PRRX1: variants seen among roughly 807,000 people sequenced by gnomAD.
The protein encoded by PRRX1 is paired mesoderm homeobox protein 1.
In PRRX1, 8 loss-of-function variants were observed where a neutral mutation model predicts 24.0. That is an observed-to-expected ratio of 0.33 (90% CI 0.20 to 0.60). PRRX1 has a LOEUF of 0.60. Ranked by LOEUF, PRRX1 falls within the 20% of genes least tolerant of loss-of-function variation. PRRX1 has a pLI of 0.82. For synonymous variants in PRRX1, 160 were observed against 131.7 expected (o/e 1.22, Z -1.47); for missense variants, 281 against 322.4 (o/e 0.87, Z 0.98).
intron 1 of PRRX1, among the ~76,000 whole-genome samples, chr1:170,706,901 G>T (rs147229769): frequency 1.4e-4 from 22 of 152,178 alleles, no homozygotes; most frequent in African/African-American, 5.3e-4. Context: ...GGCTGAGGCA[G>T]GAGGATTGCA....
chr1:170,725,509 G>A (rs1161932728), intron 2 of PRRX1, among the ~76,000 whole-genome samples: 1 of 152,130 alleles, frequency 6.6e-6, no homozygotes, highest in African/African-American at 2.4e-5. Flanking sequence ...AATAGACAAT[G>A]ACTGACAGGA....
chr1:170,697,955 G>A (rs997235281), intron 1 of PRRX1, among the ~76,000 whole-genome samples: 3 of 150,876 alleles, frequency 2.0e-5, no homozygotes, highest in Non-Finnish European at 4.4e-5. Context: ...TTTTAATACT[G>A]CATATTCCAC....
intron 1 of PRRX1, among the ~76,000 whole-genome samples, chr1:170,717,082 C>A (rs1654928668): frequency 6.6e-6 from 1 of 152,190 alleles, no homozygotes; most frequent in African/African-American, 2.4e-5. Context: ...TTTGCCAGAG[C>A]CAGACTCCCT....
In PRRX1 at chr1:170,702,671, A is replaced by T. The variant is rs370416366; in HGVS notation, c.242-17055A>T. Among the ~76,000 whole-genome samples the T allele has an allele frequency of 1.7e-4, 26 of 152,322 alleles. 2 individuals carry two copies. The South Asian group carries it at 5.0e-3, about 29-fold the overall frequency. ...ATCACATGTTTTCCATTCTTCTATC[A>T]CATGAGCACCCTCTAAAGGGTAAAC... is the stretch of plus-strand genomic sequence containing the variant. On this transcript the variant is annotated intron_variant, in intron 1 of 3. Transcript: ENST00000239461.
At chr1:170,665,067 C>T (rs1652870868) in intron 1 of PRRX1, among the ~76,000 whole-genome samples, 1 of 152,232 alleles carries the variant, frequency 6.6e-6, no homozygotes, top group South Asian at 2.1e-4. Flanking sequence ...CCTGCTGTTG[C>T]CTCTACCGCA....
intron 3 of PRRX1, among the ~76,000 whole-genome samples, chr1:170,731,847 A>C (rs1474816453): frequency 6.6e-6 from 1 of 152,210 alleles, no homozygotes; most frequent in Non-Finnish European, 1.5e-5. Flanking sequence ...CTGAATCAAC[A>C]GATGGGGTGC....
chr1:170,717,475 A>C (rs1654941724), intron 1 of PRRX1, among the ~76,000 whole-genome samples: 1 of 152,268 alleles, frequency 6.6e-6, no homozygotes, highest in Non-Finnish European at 1.5e-5. Context: ...GCACCTAAGA[A>C]AGAATTTTCT....
intron 1 of PRRX1, among the ~76,000 whole-genome samples, chr1:170,678,387 C>T (rs1047084775): frequency 2.1e-4 from 32 of 152,184 alleles, no homozygotes; most frequent in Non-Finnish European, 2.9e-5. Context: ...GAAAACTGGT[C>T]ACCATGGGTG....
At position 170,664,418 on chromosome 1, in the gene PRRX1, C is replaced by T. The variant is rs753817917; in HGVS notation, c.200C>T (p.Ser67Leu). 1.2e-6 allele frequency: 2 copies of T among 1,610,394 alleles called. 1 individual carries two copies. Among genetic ancestry groups the T allele is most frequent in the South Asian group, 2.2e-5 (2 of 90,338 alleles). Reference sequence around the variant, plus strand: ...GAGGCTGGCCGGAGCCTGCTGGAGTCGCCGGGACTCACCAGCGGCAGCGAC... The same window carrying T: ...GAGGCTGGCCGGAGCCTGCTGGAGTTGCCGGGACTCACCAGCGGCAGCGAC... ...VGEAGRSLLE[S>L]PGLTSGSDTP... is the part of the protein sequence containing the mutation. The change falls in exon 1 of 4, where the codon TCG (serine) becomes TTG (leucine). Residue 67 changes from serine (S) to leucine (L), a missense_variant. Coordinates refer to ENST00000239461, the MANE Select transcript of PRRX1 (RefSeq NM_022716.4).
At chr1:170,698,745 A>G (rs943173617) in intron 1 of PRRX1, among the ~76,000 whole-genome samples, 7 of 152,186 alleles carry the variant, frequency 4.6e-5, no homozygotes, top group East Asian at 3.9e-4. Flanking sequence ...CGGTGGCACA[A>G]CTGTCACATC....
At chr1:170,713,978 G>A (rs1558058056) in intron 1 of PRRX1, among the ~76,000 whole-genome samples, 2 of 152,154 alleles carry the variant, frequency 1.3e-5, no homozygotes, top group East Asian at 1.9e-4. Context: ...ATGGAGGACC[G>A]CTGAAGGGCT....
intron 3 of PRRX1, among the ~76,000 whole-genome samples, chr1:170,732,445 T>C (rs1052638100): frequency 6.6e-6 from 1 of 152,178 alleles, no homozygotes; most frequent in African/African-American, 2.4e-5. Flanking sequence ...AAGATACTCT[T>C]AGAGTACTCA....
At chr1:170,690,180 A>G (rs1241970599) in intron 1 of PRRX1, among the ~76,000 whole-genome samples, 1 of 151,686 alleles carries the variant, frequency 6.6e-6, no homozygotes, top group Non-Finnish European at 1.5e-5. Context: ...GCACTGTAAT[A>G]AGTATTAGAA....
rs1655679115 is a variant in PRRX1, at chr1:170,738,033, T to C, written c.*1847T>C. The C allele has an allele frequency of 4.6e-6, 1 of 217,288 alleles. No individual in the cohort carries two copies. 13.5% of individuals were successfully genotyped at this position (217,288 alleles called of 1,614,324 possible). On this transcript the variant is annotated 3_prime_UTR_variant, in exon 4 of 4. Transcript: ENST00000239461. Reference sequence around the variant, plus strand: ...TTTGGAAATGAGAAATAGGTTTATATTTTCAGATCTCTCAAAAATCACATC... The same window carrying C: ...TTTGGAAATGAGAAATAGGTTTATACTTTCAGATCTCTCAAAAATCACATC...
intron 2 of PRRX1, among the ~76,000 whole-genome samples, chr1:170,721,891 A>AC (rs1390875384): frequency 6.6e-6 from 1 of 151,976 alleles, no homozygotes; most frequent in African/African-American, 2.4e-5. Flanking sequence ...TAGTCCAGTA[A>AC]CCCACAGCAC....
At chr1:170,700,258 A>G (rs547769) in intron 1 of PRRX1, among the ~76,000 whole-genome samples, 4,627 of 152,228 alleles carry the variant, frequency 0.03, 238 homozygotes, top group African/African-American at 0.1. Context: ...AGTAGGTCTC[A>G]GGTGAAATGT....
At chr1:170,670,582 A>T (rs1388692788) in intron 1 of PRRX1, among the ~76,000 whole-genome samples, 1 of 152,120 alleles carries the variant, frequency 6.6e-6, no homozygotes, top group Non-Finnish European at 1.5e-5. Flanking sequence ...TTCTAATTTA[A>T]TGCGGCAGCC....
At chr1:170,680,975 G>T (rs2101891433) in intron 1 of PRRX1, among the ~76,000 whole-genome samples, 1 of 152,330 alleles carries the variant, frequency 6.6e-6, no homozygotes, top group Non-Finnish European at 1.5e-5. Context: ...GCAGTTTTTA[G>T]GTGAGCGAGG....
intron 1 of PRRX1, among the ~76,000 whole-genome samples, chr1:170,671,591 T>C (rs1181442505): frequency 6.6e-6 from 1 of 152,254 alleles, no homozygotes; most frequent in Non-Finnish European, 1.5e-5. Context: ...TCTGGGTTCC[T>C]GCAGGACAGA....
Sources: allele counts gnomAD v4.1 joint callset (sites outside exome capture counted in the v4.1 genomes callset), GRCh38; gene constraint gnomAD v4.1.1; transcripts MANE v1.5; gene names NCBI Gene and HGNC (gene_info 2026-07-23, HGNC 2026-07-21).